The following RAPGEF3 variants were observed in gnomAD, a reference collection of about 807,000 sequenced individuals.
RAPGEF3 encodes the protein 9330170P05Rik.
RAPGEF3 carries 103 observed loss-of-function variants against 129.8 expected under a neutral mutation model. The observed-to-expected ratio is 0.79, with a 90% CI of 0.68 to 0.93. The LOEUF (loss-of-function observed/expected upper bound fraction) is 0.93. RAPGEF3 is among the 40% of genes least tolerant of loss of function. The pLI, the probability that RAPGEF3 is intolerant of heterozygous loss-of-function variation, is 0.00. For synonymous variants in RAPGEF3, 436 were observed against 482.6 expected (o/e 0.90, Z 1.26); for missense variants, 1,117 against 1,207.4 (o/e 0.93, Z 1.11).
intron 24 of RAPGEF3, 91 bp from the exon 25 acceptor site, chr12:47,738,845 C>T: frequency 8.7e-7 from 1 of 1,154,648 alleles, no homozygotes; most frequent in Non-Finnish European, 1.3e-6. Flanking sequence ...TCCCTTGGGC[C>T]TACCTCACCC....
chr12:47,757,426 G>A (rs998892049), intron 2 of RAPGEF3, among the ~76,000 whole-genome samples: 7 of 152,012 alleles, frequency 4.6e-5, no homozygotes, highest in Admixed American at 1.3e-4. Flanking sequence ...AGACCAAAAC[G>A]CAGAATTAGC....
In RAPGEF3 at chr12:47,758,303, G is replaced by C. The variant is rs1942224728; in HGVS notation, c.7-225C>G. On this transcript the variant is annotated intron_variant, in intron 1 of 27. Transcript: ENST00000449771. ...CCAGCTGGCTCTTGGAAAAGATCAGGCCCTTCTTAGTCCTCTTTGGAATTC... is the reference window on the plus strand; with the variant it reads ...CCAGCTGGCTCTTGGAAAAGATCAGCCCCTTCTTAGTCCTCTTTGGAATTC... 17 of 1,432,918 alleles carry C rather than the reference G, an allele frequency of 1.2e-5. No homozygotes were observed. The South Asian group carries it at 2.5e-4, about 21-fold the overall frequency. The allele number at this position is 1,432,918 out of a possible 1,614,324, so 88.8% of individuals were successfully genotyped here.
rs367991801 is a variant in RAPGEF3 at position 47,741,012 on chromosome 12, G to A, written c.1952C>T (p.Thr651Ile). The A allele has an allele frequency of 6.9e-5, 112 of 1,612,882 alleles. No homozygotes were observed. In the African/African-American group the frequency reaches 1.4e-3, roughly 20 times the overall value. The change falls in exon 20 of 28, where the codon ACT (threonine) becomes ATT (isoleucine). Residue 651 changes from threonine to isoleucine, a missense_variant. Thr to Ile is a moderately conservative substitution (Grantham distance 89). Coordinates refer to ENST00000449771, the MANE Select transcript of RAPGEF3 (RefSeq NM_001098531.4). Reference protein sequence around the residue: ...LIPHPDQLGPTVGSAEGLDLV... With the variant: ...LIPHPDQLGPIVGSAEGLDLV... The stretch of plus-strand genomic sequence containing the variant: ...GTCCAGCCCCTCAGCAGAGCCCACA[G>A]TGGGCCCCAGCTGGTCAGGGTGTGG...
chr12:47,757,771 C>G, intron 2 of RAPGEF3, 95 bp downstream of exon 2: 1 of 1,243,234 alleles, frequency 8.0e-7, no homozygotes, highest in South Asian at 1.4e-5. Flanking sequence ...ACCCCCAGAG[C>G]AAGCTGGGCC....
chr12:47,739,264 AC>A, intron 23 of RAPGEF3, 34 bp from the exon 24 acceptor site: 1 of 1,532,556 alleles, frequency 6.5e-7, no homozygotes, highest in Non-Finnish European at 9.0e-7. Flanking sequence ...GGGGTTGCAC[AC>A]ACCATAAGCC....
At chr12:47,742,905 C>A (rs1408620913) in intron 18 of RAPGEF3, among the ~76,000 whole-genome samples, 1 of 152,216 alleles carries the variant, frequency 6.6e-6, no homozygotes, top group Admixed American at 6.5e-5. Context: ...ATATTGCTGG[C>A]TCATAGCTGA....
chr12:47,748,837 G>T lies in RAPGEF3; in HGVS notation c.1136C>A (p.Pro379Gln), dbSNP rs747342924. The T allele has an allele frequency of 6.2e-7, 1 of 1,612,472 alleles. No homozygotes were observed. The highest frequency in any genetic ancestry group is 1.3e-5 in the African/African-American group (1 of 74,862). ...GTATTACCGGTTCCTGCCTGGGGTT[G>T]GGGGTCGGGAAGGGCCGGCGCCCTG... ...ASQGAGPSRP[P>Q]TPGRNRYTVM... Residue 379 changes from proline to glutamine, a missense_variant, in exon 11 of 28, where the codon CCA becomes CAA. Coordinates refer to ENST00000449771, the MANE Select transcript of RAPGEF3 (RefSeq NM_001098531.4).
Position 47,740,873 on chromosome 12 carries a change from G to A in RAPGEF3, c.2049+42C>T, listed in dbSNP as rs372543770. 3.3e-5 allele frequency: 53 copies of A among 1,613,426 alleles called. 1 individual carries two copies. In the African/African-American group the frequency reaches 3.3e-4, roughly 10 times the overall value. ...CAGCGAGTGCTGAGCCGAGCCGGGC[G>A]CCCCGCCGCCTGCTCTCCTCCCCCA... On this transcript the variant is annotated intron_variant, in intron 20 of 27. Transcript: ENST00000449771.
chr12:47,738,153 A>T, intron 26 of RAPGEF3, 40 bp downstream of exon 26: 1 of 1,613,704 alleles, frequency 6.2e-7, no homozygotes, highest in Middle Eastern at 1.7e-4. Context: ...CAGAGGATGT[A>T]GGGTGGGGGA....
intron 25 of RAPGEF3, 100 bp downstream of exon 25, chr12:47,738,590 A>G: frequency 9.5e-7 from 1 of 1,047,164 alleles, no homozygotes; most frequent in Non-Finnish European, 1.5e-6. Flanking sequence ...CATATTATTC[A>G]TAACAAGTTT....
chr12:47,740,251 C>A, intron 22 of RAPGEF3, 54 bp downstream of exon 22: 1 of 1,611,918 alleles, frequency 6.2e-7, no homozygotes, highest in South Asian at 1.1e-5. Flanking sequence ...ATCCAGCACT[C>A]CCAGGAGGGC....
intron 16 of RAPGEF3, chr12:47,746,150 A>G (rs4768162): frequency 0.21 from 33,259 of 155,778 alleles, 4,159 homozygotes; most frequent in South Asian, 0.41. Flanking sequence ...AGAGCCAGAG[A>G]AAGACCCTTC....
chr12:47,747,944 C>T, intron 13 of RAPGEF3, 82 bp from the exon 14 acceptor site: 1 of 1,588,302 alleles, frequency 6.3e-7, no homozygotes. Context: ...CCCAGGGCCC[C>T]TGGCAAGCTG....
At chr12:47,743,055 A>G (rs776175786) in intron 18 of RAPGEF3, among the ~76,000 whole-genome samples, 1 of 152,236 alleles carries the variant, frequency 6.6e-6, no homozygotes, top group Non-Finnish European at 1.5e-5. Context: ...GGATAAAAGT[A>G]CCTGTATCTC....
chr12:47,750,226 C>A, intron 7 of RAPGEF3, 115 bp downstream of exon 7: 1 of 1,238,982 alleles, frequency 8.1e-7, no homozygotes, highest in Non-Finnish European at 1.2e-6. Context: ...CTGAAAATTT[C>A]CAGCCATAGA....
intron 6 of RAPGEF3, 54 bp downstream of exon 6, chr12:47,750,994 A>T (rs1941706069): frequency 6.4e-7 from 1 of 1,561,842 alleles, no homozygotes; most frequent in African/African-American, 1.4e-5. Flanking sequence ...GAAACCGTGA[A>T]ATCTGAGTGC....
chr12:47,758,431 C>T (rs1942235095), intron 1 of RAPGEF3, 120 bp downstream of exon 1: 1 of 1,560,638 alleles, frequency 6.4e-7, no homozygotes, highest in Admixed American at 1.9e-5. Context: ...CGGCTTAAAC[C>T]CTTCTCCTCT....
In RAPGEF3 at chr12:47,749,671, G is replaced by A; in HGVS notation, c.894+70C>T. On this transcript the variant is annotated intron_variant, in intron 9 of 27. Transcript: ENST00000449771. The surrounding 1 kb of genome is among the most constrained non-coding windows in gnomAD (Gnocchi z 4.5). ...GCAGCAGTAGATCAACAAAGGCACTGCCCATGAGGACATGGACCAGGGAGC... is the reference window on the plus strand; with the variant it reads ...GCAGCAGTAGATCAACAAAGGCACTACCCATGAGGACATGGACCAGGGAGC... 1 of 1,601,088 alleles carries A rather than the reference G, an allele frequency of 6.2e-7. No individual in the cohort carries two copies. The highest frequency in any genetic ancestry group is 8.5e-7 in the Non-Finnish European group (1 of 1,171,176).
At chr12:47,756,966 TAAA>T (rs112318307) in intron 2 of RAPGEF3, among the ~76,000 whole-genome samples, 2 of 136,674 alleles carry the variant, frequency 1.5e-5, no homozygotes, top group Non-Finnish European at 3.2e-5. Flanking sequence ...AGACTCTGGT[TAAA>T]AAAAAAAAAA....
Sources: allele counts gnomAD v4.1 joint callset (sites outside exome capture counted in the v4.1 genomes callset), GRCh38; gene constraint gnomAD v4.1.1; non-coding constraint Gnocchi (gnomAD v3.1); transcripts MANE v1.5; gene names NCBI Gene and HGNC (gene_info 2026-07-23, HGNC 2026-07-21).